NUP188: variants seen among roughly 807,000 people sequenced by gnomAD.
NUP188 encodes the protein nucleoporin NUP188.
Under a neutral mutation model 223.0 loss-of-function variants are expected in NUP188, and 97 were observed. That is an observed-to-expected ratio of 0.43 (90% CI 0.37 to 0.51). The LOEUF is 0.51. Ranked by LOEUF, NUP188 falls within the 20% of genes least tolerant of loss-of-function variation. NUP188 has a pLI of 0.00. For synonymous variants in NUP188, 869 were observed against 828.0 expected, an observed-to-expected ratio of 1.05 and a Z score of -0.85; for missense variants, 1,947 against 2,175.6, an observed-to-expected ratio of 0.89 and a Z score of 2.09.
At chr9:128,961,156 G>GT (rs1841944706) in intron 8 of NUP188, among the ~76,000 whole-genome samples, 1 of 147,866 alleles carries the variant, frequency 6.8e-6, no homozygotes, top group African/African-American at 2.5e-5. Context: ...CCTGTCTCTA[G>GT]TAAAAAAATA....
intron 24 of NUP188, among the ~76,000 whole-genome samples, 162 bp downstream of exon 24, chr9:128,988,348 C>G (rs1221737118): frequency 1.3e-5 from 2 of 152,160 alleles, no homozygotes; most frequent in African/African-American, 2.4e-5. Context: ...AAATTGGAAA[C>G]AAAAGGACTA....
In NUP188 at chr9:128,969,517, GA is replaced by G; in HGVS notation, c.912+4del. ...CGCAGGATGGGCTTATTTGTCAGGT[GA>G]CTTGGAATAGCCTCTTTTTTTTCAG... On this transcript the variant is annotated splice_donor_region_variant and intron_variant, in intron 10 of 43. Coordinates refer to ENST00000372577, the MANE Select transcript of NUP188 (RefSeq NM_015354.3). 6.6e-7 allele frequency: 1 copy of G among 1,506,714 alleles called. No individual in the cohort carries two copies. The highest frequency in any genetic ancestry group is 1.3e-5 in the South Asian group (1 of 79,040). The allele number at this position is 1,506,714 out of a possible 1,614,324, so 93.3% of individuals were successfully genotyped here. A position where few individuals can be genotyped will look rare whatever the true frequency, so the allele number is the denominator to read the frequency against.
At chr9:128,966,966 C>T (rs544279000) in intron 8 of NUP188, among the ~76,000 whole-genome samples, 1 of 152,258 alleles carries the variant, frequency 6.6e-6, no homozygotes, top group East Asian at 1.9e-4. Context: ...GGCATATCCA[C>T]ATAATGAATT....
rs776301183 is a variant in NUP188, at chr9:128,995,514, T to C, written c.3351T>C (p.His1117=). ...TGCTTCTCATCATTGCCACCACTCA[T>C]GTAAGACCCTTTTGGGGAGAGTTTT... is the stretch of plus-strand genomic sequence containing the variant. ...WRMLLIIATT[H]ADIMHLTDSV... is the part of the protein sequence containing the mutation. Residue 1117 remains histidine, a splice_region_variant and synonymous_variant, in exon 30 of 44, where the codon CAT becomes CAC. Coordinates refer to ENST00000372577, the MANE Select transcript of NUP188 (RefSeq NM_015354.3). 1.5e-5 allele frequency: 23 copies of C among 1,578,992 alleles called. No homozygotes were observed. The highest frequency in any genetic ancestry group is 3.4e-4 in the Middle Eastern group (2 of 5,840).
chr9:128,957,822 C>G (rs1047842578), intron 5 of NUP188, among the ~76,000 whole-genome samples, 188 bp from the exon 6 acceptor site: 17 of 151,876 alleles, frequency 1.1e-4, no homozygotes, highest in African/African-American at 4.1e-4. Context: ...AGGATTGAGG[C>G]CAGAGGAGAA....
intron 11 of NUP188, 37 bp downstream of exon 11, chr9:128,970,995 A>T (rs1056911579): frequency 6.8e-7 from 1 of 1,462,418 alleles, no homozygotes; most frequent in African/African-American, 1.4e-5. Flanking sequence ...CATGGGAGTG[A>T]GCCGGCAGAA....
intron 1 of NUP188, chr9:128,948,677 C>T (rs988995138): frequency 7.4e-6 from 1 of 134,948 alleles, no homozygotes; most frequent in Non-Finnish European, 1.6e-5. Flanking sequence ...ATCCCCGTCT[C>T]TTATCCTTCC....
intron 38 of NUP188, among the ~76,000 whole-genome samples, chr9:129,004,299 A>C (rs1334027368): frequency 2.1e-5 from 3 of 145,722 alleles, no homozygotes; most frequent in South Asian, 4.4e-4. Flanking sequence ...AAAAAAAAAA[A>C]CTAAACTAAA....
chr9:128,992,584 T>G (rs1362016499), intron 25 of NUP188, among the ~76,000 whole-genome samples: 1 of 152,194 alleles, frequency 6.6e-6, no homozygotes, highest in African/African-American at 2.4e-5. Flanking sequence ...CATTTGGACT[T>G]CCTTCATTCT....
At chr9:128,989,562 G>A (rs1191232397) in intron 24 of NUP188, among the ~76,000 whole-genome samples, 1 of 151,826 alleles carries the variant, frequency 6.6e-6, no homozygotes, top group Non-Finnish European at 1.5e-5. Flanking sequence ...AGCTGGGTAT[G>A]GTGGTGGGTG....
chr9:128,993,913 GT>G (rs942121286), intron 27 of NUP188, among the ~76,000 whole-genome samples: 8 of 152,312 alleles, frequency 5.3e-5, no homozygotes, highest in African/African-American at 1.7e-4. Flanking sequence ...TTGCTTTTGT[GT>G]TCCTGCCTTT....
Position 129,001,646 on chromosome 9 carries a change from G to C in NUP188, c.3961G>C (p.Glu1321Gln). ...PILPTLLTTL[E>Q]VSLRMKQNLH... is the part of the protein sequence containing the mutation. ...CCTACCCACCCTCCTCACCACTCTA[G>C]AGGTGAGCCTTCGCATGAAGCAGAA... The change falls in exon 35 of 44, where the codon GAG (glutamate) becomes CAG (glutamine). Residue 1321 changes from glutamate to glutamine, a missense_variant. Glu to Gln is a conservative substitution (Grantham distance 29). Transcript: ENST00000372577. 6.2e-7 allele frequency: 1 copy of C among 1,614,052 alleles called. No individual in the cohort carries two copies. Among genetic ancestry groups the C allele is most frequent in the Non-Finnish European group, 8.5e-7 (1 of 1,179,980 alleles).
At chr9:128,971,665 G>A (rs1020831185) in intron 11 of NUP188, among the ~76,000 whole-genome samples, 22 of 152,132 alleles carry the variant, frequency 1.4e-4, no homozygotes, top group Non-Finnish European at 2.5e-4. Flanking sequence ...TGATCCACCC[G>A]CCTCGGCCTC....
At chr9:128,978,596 C>T (rs561393751) in intron 12 of NUP188, among the ~76,000 whole-genome samples, 106 of 139,708 alleles carry the variant, frequency 7.6e-4, no homozygotes, top group Non-Finnish European at 1.4e-3. Context: ...AAGGAAGAAA[C>T]AAACCCACTC....
chr9:129,005,867 T>G (rs1842785663), intron 41 of NUP188, 91 bp downstream of exon 41: 1 of 1,499,366 alleles, frequency 6.7e-7, no homozygotes. Flanking sequence ...TTGGGCATGG[T>G]ACCTAGCCTC....
At chr9:128,994,463 G>A (rs369779162) in intron 28 of NUP188, 21 bp downstream of exon 28, 1 of 1,577,100 alleles carries the variant, frequency 6.3e-7, no homozygotes, top group African/African-American at 1.3e-5. Flanking sequence ...GCAGAGGGCA[G>A]GATGGTGGCT....
At chr9:129,001,480 C>T in intron 34 of NUP188, 49 bp from the exon 35 acceptor site, 1 of 1,578,882 alleles carries the variant, frequency 6.3e-7, no homozygotes, top group Non-Finnish European at 8.7e-7. Flanking sequence ...TCGTCCTCTT[C>T]CTCCTCCTCT....
intron 20 of NUP188, among the ~76,000 whole-genome samples, chr9:128,985,927 T>G (rs1379485530): frequency 6.6e-6 from 1 of 152,034 alleles, no homozygotes; most frequent in East Asian, 1.9e-4. Flanking sequence ...TAATCCCAGC[T>G]ACTCAGTGGG....
chr9:129,001,927 G>T lies in NUP188; in HGVS notation c.4088G>T (p.Cys1363Phe). 1 of 1,614,190 alleles carries T rather than the reference G, an allele frequency of 6.2e-7. No individual in the cohort carries two copies. Among genetic ancestry groups the T allele is most frequent in the Admixed American group, 1.7e-5 (1 of 60,026 alleles). Reference protein sequence around the residue: ...VAGAGITQSICLPLLSVYQLS... With the variant: ...VAGAGITQSIFLPLLSVYQLS... ...GGAGCTGGCATCACCCAGAGCATTT[G>T]TTTGCCCCTTCTGAGTGTGTACCAG... Residue 1363 changes from cysteine (C) to phenylalanine (F), a missense_variant, in exon 36 of 44, where the codon TGT becomes TTT. Physicochemically the swap from Cys to Phe is radical, Grantham distance 205. Around this residue, in one of 3 missense-constraint regions of NUP188, gnomAD observed 905 missense variants for 990.6 expected, o/e 0.91. Transcript: ENST00000372577.
Sources: allele counts gnomAD v4.1 joint callset (sites outside exome capture counted in the v4.1 genomes callset), GRCh38; gene constraint gnomAD v4.1.1; regional missense constraint gnomAD v4.1.1; transcripts MANE v1.5; gene names NCBI Gene and HGNC (gene_info 2026-07-23, HGNC 2026-07-21).